GRIN2A: variants seen among roughly 807,000 people sequenced by gnomAD.
GRIN2A encodes the protein glutamate receptor ionotropic, NMDA 2A.
A neutral mutation model predicts 113.4 loss-of-function variants in GRIN2A; 22 were observed. The observed-to-expected ratio is 0.19, with a 90% CI of 0.14 to 0.28. GRIN2A has a LOEUF of 0.28. GRIN2A is among the 10% of genes least tolerant of loss of function. The probability of loss-of-function intolerance (pLI) is 1.00; values close to 1 mark genes in which losing one functional copy is unlikely to be tolerated. For missense variants in GRIN2A, 1,502 were observed against 1,887.0 expected, an observed-to-expected ratio of 0.80 and a Z score of 3.78; for synonymous variants, 827 against 738.4, an observed-to-expected ratio of 1.12 and a Z score of -1.94.
intron 2 of GRIN2A, among the ~76,000 whole-genome samples, chr16:10,007,541 A>G (rs940015290): frequency 6.6e-6 from 1 of 152,162 alleles, no homozygotes; most frequent in African/African-American, 2.4e-5. Flanking sequence ...ATCCCTTGCC[A>G]GATGGATAGT....
chr16:9,972,812 A>G (rs1283598481), intron 2 of GRIN2A, among the ~76,000 whole-genome samples: 8 of 152,234 alleles, frequency 5.3e-5, no homozygotes, highest in Admixed American at 5.2e-4. Context: ...CGATTTATCA[A>G]GACAGGGGAA....
At chr16:9,773,259 G>C (rs1162286136) in intron 11 of GRIN2A, among the ~76,000 whole-genome samples, 1 of 152,198 alleles carries the variant, frequency 6.6e-6, no homozygotes, top group Non-Finnish European at 1.5e-5. Context: ...TCTGTTTAGT[G>C]AGTTATTCTG....
chr16:10,126,582 T>G (rs984118601), intron 2 of GRIN2A, among the ~76,000 whole-genome samples: 1 of 152,204 alleles, frequency 6.6e-6, no homozygotes, highest in East Asian at 1.9e-4. Context: ...TTCTCTTCCA[T>G]TTTTCTTTTA....
intron 11 of GRIN2A, among the ~76,000 whole-genome samples, chr16:9,793,819 A>ATT (rs970652373): frequency 1.2e-4 from 19 of 152,042 alleles, no homozygotes; most frequent in Admixed American, 7.9e-4. Context: ...GTGTATATGT[A>ATT]TGTCTACATA....
At position 9,996,576 on chromosome 16, in the gene GRIN2A, C is replaced by G. The variant is rs145612279; in HGVS notation, c.415-58025G>C. 1.6e-3 allele frequency among the ~76,000 whole-genome samples: 238 copies of G among 152,322 alleles called. 1 individual carries two copies. The highest frequency in any genetic ancestry group is 5.5e-3 in the African/African-American group (228 of 41,578). On this transcript the variant is annotated intron_variant, in intron 2 of 12. Coordinates refer to ENST00000330684, the MANE Select transcript of GRIN2A (RefSeq NM_001134407.3). ...GTCCCTGAGCAGATTGTGGTGGGCA[C>G]ACCTGTAAGTAATATTCCAACTTCA...
chr16:10,063,278 G>T (rs765381390), intron 2 of GRIN2A, among the ~76,000 whole-genome samples: 1 of 152,186 alleles, frequency 6.6e-6, no homozygotes, highest in Admixed American at 6.5e-5. Flanking sequence ...TCACTACTTG[G>T]ATGATGGGAC....
In GRIN2A at chr16:9,866,282, A is replaced by G. The variant is rs11859808; in HGVS notation, c.1123-16321T>C. 2.5e-3 allele frequency among the ~76,000 whole-genome samples: 374 copies of G among 152,302 alleles called. 1 individual carries two copies. Among genetic ancestry groups the G allele is most frequent in the African/African-American group, 8.7e-3 (361 of 41,570 alleles). On this transcript the variant is annotated intron_variant, in intron 4 of 12. Transcript: ENST00000330684. ...GAAGGAAGAAATCATGAAGGAGTGC[A>G]ATGGAGGGGAGTTGTGCAGTTTGCA...
chr16:10,029,945 T>G (rs1321132145), intron 2 of GRIN2A, among the ~76,000 whole-genome samples: 1 of 152,052 alleles, frequency 6.6e-6, no homozygotes, highest in South Asian at 2.1e-4. Context: ...TGCAGTGAGC[T>G]GAGATTGCAC....
At chr16:10,032,408 C>T (rs551202978) in intron 2 of GRIN2A, among the ~76,000 whole-genome samples, 2 of 152,204 alleles carry the variant, frequency 1.3e-5, no homozygotes, top group Admixed American at 6.5e-5. Context: ...AATTTGATAC[C>T]TTCCACAGAG....
intron 2 of GRIN2A, among the ~76,000 whole-genome samples, chr16:10,005,789 T>C (rs1476512382): frequency 1.3e-5 from 2 of 152,218 alleles, no homozygotes; most frequent in Non-Finnish European, 2.9e-5. Flanking sequence ...TTAAGTACTT[T>C]TCACTTTTTA....
intron 2 of GRIN2A, among the ~76,000 whole-genome samples, chr16:10,144,858 C>G (rs2049402662): frequency 7.6e-6 from 1 of 132,088 alleles, no homozygotes; most frequent in Non-Finnish European, 1.5e-5. Context: ...GAGGCGGAGA[C>G]TGCAGTGAGC....
intron 2 of GRIN2A, among the ~76,000 whole-genome samples, chr16:10,153,305 C>G (rs887591925): frequency 4.5e-4 from 69 of 152,228 alleles, no homozygotes; most frequent in African/African-American, 1.6e-3. Flanking sequence ...ATAGCTTTCC[C>G]TCCCTCTGCC....
intron 3 of GRIN2A, among the ~76,000 whole-genome samples, chr16:9,910,713 T>G (rs1219753646): frequency 2.0e-5 from 3 of 152,054 alleles, no homozygotes; most frequent in Non-Finnish European, 4.4e-5. Flanking sequence ...AATTTTTGTA[T>G]TTTTAGTAGA....
chr16:9,991,844 G>A (rs2046120413), intron 2 of GRIN2A, among the ~76,000 whole-genome samples: 1 of 152,142 alleles, frequency 6.6e-6, no homozygotes, highest in South Asian at 2.1e-4. Flanking sequence ...AGTGGGAGTT[G>A]AACAATGAGA....
At chr16:9,996,344 C>T (rs777948629) in intron 2 of GRIN2A, among the ~76,000 whole-genome samples, 1 of 152,200 alleles carries the variant, frequency 6.6e-6, no homozygotes, top group Non-Finnish European at 1.5e-5. Context: ...CCACTGCTGA[C>T]ACTCCCTCCC....
chr16:9,832,657 C>T (rs1272803503), intron 8 of GRIN2A, among the ~76,000 whole-genome samples: 2 of 152,196 alleles, frequency 1.3e-5, no homozygotes, highest in Non-Finnish European at 2.9e-5. Context: ...AAATTCACAA[C>T]AGCACAAGCC....
chr16:9,978,737 A>G (rs2045824630), intron 2 of GRIN2A, among the ~76,000 whole-genome samples: 1 of 152,178 alleles, frequency 6.6e-6, no homozygotes, highest in Non-Finnish European at 1.5e-5. Context: ...AACAATTGGC[A>G]TCCCTTGGAA....
At chr16:10,113,172 C>A (rs12924929) in intron 2 of GRIN2A, among the ~76,000 whole-genome samples, 45,591 of 151,854 alleles carry the variant, frequency 0.3, 7,281 homozygotes, top group Non-Finnish European at 0.35. Context: ...GCAGCATGCT[C>A]CAGCATGGCC....
chr16:9,899,575 T>A (rs1021285581), intron 3 of GRIN2A, among the ~76,000 whole-genome samples: 2 of 151,210 alleles, frequency 1.3e-5, no homozygotes, highest in African/African-American at 4.9e-5. Context: ...AGGAGAAAAG[T>A]ATTGTTTATT....
Sources: allele counts gnomAD v4.1 joint callset (sites outside exome capture counted in the v4.1 genomes callset), GRCh38; gene constraint gnomAD v4.1.1; transcripts MANE v1.5; gene names NCBI Gene and HGNC (gene_info 2026-07-23, HGNC 2026-07-21).